Variants in TMC7 observed in about 807,000 individuals in gnomAD.
TMC7 encodes the protein transmembrane channel like 7.
A neutral mutation model predicts 82.9 loss-of-function variants in TMC7; 54 were observed. The ratio of observed to expected loss-of-function variants is 0.65; its 90% CI spans 0.52 to 0.82. The LOEUF (loss-of-function observed/expected upper bound fraction) is 0.82. TMC7 is among the 40% of genes least tolerant of loss of function. TMC7 has a pLI of 0.00. For synonymous variants in TMC7, 350 were observed against 337.9 expected (o/e 1.04, Z -0.39); for missense variants, 820 against 901.2 (o/e 0.91, Z 1.15).
At chr16:18,993,014 T>C (rs2038979333) in intron 1 of TMC7, among the ~76,000 whole-genome samples, 1 of 152,176 alleles carries the variant, frequency 6.6e-6, no homozygotes, top group Non-Finnish European at 1.5e-5. Flanking sequence ...TGTAGTATAG[T>C]TTGAAGTCAG....
intron 9 of TMC7, among the ~76,000 whole-genome samples, chr16:19,044,175 TTTTG>T (rs530969338): frequency 2.0e-5 from 3 of 151,936 alleles, no homozygotes; most frequent in Non-Finnish European, 2.9e-5. Flanking sequence ...ACATTGGTTT[TTTTG>T]TTTGTTTGTT....
chr16:19,032,490 AC>A (rs1327862773), intron 6 of TMC7, among the ~76,000 whole-genome samples: 1 of 151,958 alleles, frequency 6.6e-6, no homozygotes, highest in African/African-American at 2.4e-5. Context: ...TACAGGGTAG[AC>A]AATTTGGAAG....
chr16:19,017,438 ATAT>A (rs1295282741), intron 3 of TMC7, among the ~76,000 whole-genome samples: 2 of 150,438 alleles, frequency 1.3e-5, no homozygotes, highest in Admixed American at 6.6e-5. Flanking sequence ...ATGCATTAAA[ATAT>A]TATGCATAAA....
chr16:18,986,200 C>A (rs1213489563), intron 1 of TMC7, among the ~76,000 whole-genome samples: 1 of 151,966 alleles, frequency 6.6e-6, no homozygotes, highest in Non-Finnish European at 1.5e-5. Flanking sequence ...TCGAGACCAT[C>A]CTGGCTAACG....
chr16:18,993,418 T>C (rs1222511853), intron 1 of TMC7, among the ~76,000 whole-genome samples: 2 of 152,146 alleles, frequency 1.3e-5, no homozygotes, highest in East Asian at 3.9e-4. Flanking sequence ...TGGAAGGAGA[T>C]ATTTTCCTTG....
At chr16:19,037,742 G>T in intron 7 of TMC7, 132 bp from the exon 8 acceptor site, 1 of 958,262 alleles carries the variant, frequency 1.0e-6, no homozygotes. Context: ...CACGGTGCTA[G>T]GGTTACAGGA....
intron 1 of TMC7, among the ~76,000 whole-genome samples, chr16:19,007,068 G>A (rs1473661077): frequency 6.6e-6 from 1 of 151,212 alleles, no homozygotes; most frequent in Non-Finnish European, 1.5e-5. Flanking sequence ...CAGGTGATCC[G>A]CCTGCCTCGG....
At chr16:19,061,751 T>G (rs374224503) in intron 15 of TMC7, 27 bp from the exon 16 acceptor site, 2 of 1,596,880 alleles carry the variant, frequency 1.3e-6, no homozygotes, top group Non-Finnish European at 8.6e-7. Context: ...ATATATTAAA[T>G]GTACATGTGA....
At chr16:19,041,887 CT>C (rs1194174441) in intron 9 of TMC7, among the ~76,000 whole-genome samples, 1 of 152,020 alleles carries the variant, frequency 6.6e-6, no homozygotes, top group Non-Finnish European at 1.5e-5. Flanking sequence ...TTTGTTAGGC[CT>C]TTGATTTGTG....
intron 1 of TMC7, among the ~76,000 whole-genome samples, chr16:18,990,262 G>T (rs1455286925): frequency 6.6e-5 from 10 of 152,126 alleles, no homozygotes; most frequent in Admixed American, 6.6e-4. Context: ...CTTCTTTTGT[G>T]GATCTTCAGT....
Position 19,062,012 on chromosome 16 carries a change from T to A in TMC7, c.*169T>A. 1 of 456,590 alleles carries A rather than the reference T, an allele frequency of 2.2e-6. No individual in the cohort carries two copies. Among genetic ancestry groups the A allele is most frequent in the Non-Finnish European group, 3.8e-6 (1 of 262,378 alleles). 28.3% of individuals were successfully genotyped at this position (456,590 alleles called of 1,614,324 possible). ...GTGTTTACCTAACCCAGCCCTTAAT[T>A]AGGGCTTCAGTGACTTAGAAAAGCA... On this transcript the variant is annotated 3_prime_UTR_variant, in exon 16 of 16. Coordinates refer to ENST00000304381, the MANE Select transcript of TMC7 (RefSeq NM_024847.4).
intron 9 of TMC7, 91 bp from the exon 10 acceptor site, chr16:19,044,793 A>T (rs937096009): frequency 8.5e-6 from 5 of 587,086 alleles, no homozygotes; most frequent in Admixed American, 6.0e-5. Context: ...AAAAAAAAAA[A>T]GGCAGCTTCT....
intron 5 of TMC7, among the ~76,000 whole-genome samples, chr16:19,029,728 TG>T (rs1246518430): frequency 6.6e-6 from 1 of 150,940 alleles, no homozygotes. Flanking sequence ...TTGCCCAGGC[TG>T]GAGTTCAGTG....
intron 2 of TMC7, among the ~76,000 whole-genome samples, chr16:19,011,548 AAATAAT>A (rs958432101): frequency 6.7e-6 from 1 of 150,034 alleles, no homozygotes; most frequent in Admixed American, 6.7e-5. Context: ...TAAATAAATA[AAATAAT>A]AATAATAGAA....
At chr16:19,020,006 T>A (rs1959887974) in intron 3 of TMC7, among the ~76,000 whole-genome samples, 10 of 152,206 alleles carry the variant, frequency 6.6e-5, no homozygotes. Context: ...ATGCTTTCTA[T>A]CCTCAGCAAT....
chr16:19,029,163 A>G (rs1030742807), intron 5 of TMC7, among the ~76,000 whole-genome samples: 6 of 147,194 alleles, frequency 4.1e-5, no homozygotes, highest in East Asian at 2.1e-4. Context: ...CCGCCACCAC[A>G]CCCGGCTAAT....
In TMC7 at chr16:18,994,814, G is replaced by A. The variant is rs180681562; in HGVS notation, c.67+10684G>A. 5.7e-3 allele frequency among the ~76,000 whole-genome samples: 868 copies of A among 152,266 alleles called. 4 individuals are homozygous for A. Among genetic ancestry groups the A allele is most frequent in the African/African-American group, 0.02 (837 of 41,556 alleles). On this transcript the variant is annotated intron_variant, in intron 1 of 15. Coordinates refer to ENST00000304381, the MANE Select transcript of TMC7 (RefSeq NM_024847.4). ...AAGGAGAGTTTATAGGCTTTAAAAG[G>A]CCATGCTGTAACAGGCAAGTGATAA...
In TMC7 at chr16:19,030,317, T is replaced by C; in HGVS notation, c.805T>C (p.Leu269=). ...NFTYDLPLAY[L]LSTIASLALS... ...CACCTATGATCTGCCCCTGGCGTAT[T>C]TGTTAAGCACAATCGCCTCCCTGGC... The change falls in exon 6 of 16, where the codon TTG becomes CTG. Residue 269 remains leucine, a synonymous_variant. Coordinates refer to ENST00000304381, the MANE Select transcript of TMC7 (RefSeq NM_024847.4). 1 of 1,613,836 alleles carries C rather than the reference T, an allele frequency of 6.2e-7. No individual in the cohort carries two copies. The highest frequency in any genetic ancestry group is 1.1e-5 in the South Asian group (1 of 91,040).
chr16:19,016,204 C>T (rs966845393), intron 2 of TMC7, among the ~76,000 whole-genome samples: 1 of 152,104 alleles, frequency 6.6e-6, no homozygotes, highest in African/African-American at 2.4e-5. Flanking sequence ...GTTCTTCTGC[C>T]TCAGCCTCGT....
Sources: allele counts gnomAD v4.1 joint callset (sites outside exome capture counted in the v4.1 genomes callset), GRCh38; gene constraint gnomAD v4.1.1; transcripts MANE v1.5; gene names NCBI Gene and HGNC (gene_info 2026-07-23, HGNC 2026-07-21).